The following IGF2 variants were observed in gnomAD, a reference collection of about 807,000 sequenced individuals.
IGF2 encodes the protein insulin-like growth factor 2.
IGF2 carries 2 observed loss-of-function variants against 12.0 expected under a neutral mutation model. The observed-to-expected ratio is 0.17, with a 90% CI of 0.07 to 0.52. The LOEUF (loss-of-function observed/expected upper bound fraction) is 0.52, where lower values mean the gene tolerates loss of function less well. Ranked by LOEUF, IGF2 falls within the 20% of genes least tolerant of loss-of-function variation. IGF2 has a pLI of 0.95. For missense variants in IGF2, 211 were observed against 268.0 expected, an observed-to-expected ratio of 0.79 and a Z score of 1.48; for synonymous variants, 105 against 110.1, an observed-to-expected ratio of 0.95 and a Z score of 0.29.
chr11:2,131,745 CT>C lies in IGF2; in HGVS notation c.*1241del, dbSNP rs1462066908. ...TGTGTGCTGTGTTCGCGTGTGTGTG[CT>C]GTGTGTGCATGTGTGTGCTGTGTCT... On this transcript the variant is annotated 3_prime_UTR_variant, in exon 4 of 4. Transcript: ENST00000416167. 1.9e-4 allele frequency: 30 copies of C among 159,122 alleles called. No homozygotes were observed. The Admixed American group carries it at 2.1e-3, about 11-fold the overall frequency. The allele number at this position is 159,122 out of a possible 1,614,324, so 9.9% of individuals were successfully genotyped here. A position where few individuals can be genotyped will look rare whatever the true frequency, so the allele number is the denominator to read the frequency against.
At chr11:2,149,136 GT>G in the IGF2 span, 1 of 1,613,148 alleles carries the variant, frequency 6.2e-7, no homozygotes, top group African/African-American at 1.3e-5. Context: ...CTGTACTCTA[GT>G]CCCTGCGCAG....
At position 2,139,034 on chromosome 11, in the gene IGF2, G is replaced by A. The variant is rs1287366099; in HGVS notation, c.-812C>T. The A allele has an allele frequency of 2.5e-5, 21 of 834,970 alleles. No individual in the cohort carries two copies. The highest frequency in any genetic ancestry group is 7.3e-5 in the Admixed American group (1 of 13,734). The allele number at this position is 834,970 out of a possible 1,614,324, so 51.7% of individuals were successfully genotyped here. A position where few individuals can be genotyped will look rare whatever the true frequency, so the allele number is the denominator to read the frequency against. On this transcript the variant is annotated 5_prime_UTR_variant, in exon 1 of 4. Transcript: ENST00000416167. ...GGAAAGGGGAGCGGCCCGAGGCTGC[G>A]CGCCGGGGGGAGGGCTGGAGGGGGA... is the stretch of plus-strand genomic sequence containing the variant.
upstream of IGF2, among the ~76,000 whole-genome samples, chr11:2,144,384 AC>A (rs17880092): frequency 0.28 from 42,751 of 151,964 alleles, 7,313 homozygotes; most frequent in Admixed American, 0.44. Context: ...GGCCCGGAGC[AC>A]CCCCGGTGGC....
In IGF2 at chr11:2,133,669, G is replaced by A. The variant is rs1273130773; in HGVS notation, c.158-4C>T. On this transcript the variant is annotated splice_region_variant and splice_polypyrimidine_tract_variant and intron_variant, in intron 2 of 3. Transcript: ENST00000416167. This position sits in a 1 kb window ranked among gnomAD's most constrained non-coding sequence, Gnocchi z 8.9. ...CTCACACGGCTTGCGGGCCTGCCTG[G>A]AAGTCCCACAGCACAGAGAGAGCCG... The A allele has an allele frequency of 6.2e-7, 1 of 1,612,768 alleles. No homozygotes were observed. Among genetic ancestry groups the A allele is most frequent in the Non-Finnish European group, 8.5e-7 (1 of 1,179,980 alleles).
At chr11:2,134,279 G>A (rs1858833412) in intron 2 of IGF2, 2 of 399,552 alleles carry the variant, frequency 5.0e-6, no homozygotes, top group South Asian at 1.9e-5. Context: ...CCAAAGGGCA[G>A]GTGCCATCAG....
chr11:2,140,215 C>T (rs758689893), upstream of IGF2: 12 of 1,613,244 alleles, frequency 7.4e-6, no homozygotes, highest in Non-Finnish European at 1.0e-5. Flanking sequence ...ATGGTTACCC[C>T]GTCCTCAGTG....
At chr11:2,146,443 A>C in the IGF2 span, 1 of 531,170 alleles carries the variant, frequency 1.9e-6, no homozygotes, top group Non-Finnish European at 3.9e-6. Flanking sequence ...CGGCCTGGGA[A>C]GTAGGACTAA....
chr11:2,132,575 T>G lies in IGF2; in HGVS notation c.*412A>C. 4.9e-6 allele frequency: 1 copy of G among 205,482 alleles called. No individual in the cohort carries two copies. Among genetic ancestry groups the G allele is most frequent in the African/African-American group, 2.3e-5 (1 of 43,122 alleles). 12.7% of individuals were successfully genotyped at this position (205,482 alleles called of 1,614,324 possible). A position where few individuals can be genotyped will look rare whatever the true frequency, so the allele number is the denominator to read the frequency against. ...TTTTTTTTAGCCAATTGATTTTTTTTGGTGGTTGTTTTTTTTAAAGCCAAT... is the reference window on the plus strand; with the variant it reads ...TTTTTTTTAGCCAATTGATTTTTTTGGGTGGTTGTTTTTTTTAAAGCCAAT... On this transcript the variant is annotated 3_prime_UTR_variant, in exon 4 of 4. Coordinates refer to ENST00000416167, the MANE Select transcript of IGF2 (RefSeq NM_000612.6).
At chr11:2,147,877 C>A in the IGF2 span, 2 of 1,141,130 alleles carry the variant, frequency 1.8e-6, no homozygotes, top group Non-Finnish European at 2.2e-6. The surrounding 1 kb of genome is among the most constrained non-coding windows in gnomAD (Gnocchi z 7.2). Context: ...CCCATACACC[C>A]CAAGCCTGAG....
the IGF2 span, chr11:2,147,105 G>T: frequency 6.5e-6 from 1 of 153,754 alleles, no homozygotes; most frequent in African/African-American, 2.4e-5. The surrounding 1 kb of genome is among the most constrained non-coding windows in gnomAD (Gnocchi z 7.2). Flanking sequence ...GGCCATTGGT[G>T]CAAGACCCCA....
intron 1 of IGF2, among the ~76,000 whole-genome samples, chr11:2,136,506 G>T (rs1045311066): frequency 6.6e-6 from 1 of 152,238 alleles, no homozygotes; most frequent in South Asian, 2.1e-4. Flanking sequence ...TAACCCACTC[G>T]GGGGTGGGAG....
the IGF2 span, chr11:2,148,984 C>T: frequency 2.6e-6 from 2 of 770,568 alleles, no homozygotes; most frequent in South Asian, 1.7e-5. This position sits in a 1 kb window ranked among gnomAD's most constrained non-coding sequence, Gnocchi z 4.3. Context: ...AGGAGGCTTC[C>T]CTGCACCCTC....
upstream of IGF2, among the ~76,000 whole-genome samples, chr11:2,145,432 C>T (rs546315420): frequency 3.9e-4 from 60 of 152,360 alleles, no homozygotes; most frequent in Admixed American, 1.5e-3. Context: ...TTCTCCTCCA[C>T]GCCTGCTTCC....
rs1858754776 is a variant in IGF2 at position 2,133,367 on chromosome 11, G to A, written c.307-144C>T. The A allele has an allele frequency of 1.6e-5, 16 of 1,027,096 alleles. No individual in the cohort carries two copies. Among genetic ancestry groups the A allele is most frequent in the Middle Eastern group, 5.0e-4 (2 of 4,034 alleles). 63.6% of individuals were successfully genotyped at this position (1,027,096 alleles called of 1,614,324 possible). A position where few individuals can be genotyped will look rare whatever the true frequency, so the allele number is the denominator to read the frequency against. ...GGGCAGAGGGACAGAAGGAGCCAGC[G>A]TCTGAGCTGCTCCCGGGCCACACAG... On this transcript the variant is annotated intron_variant, in intron 3 of 3. Coordinates refer to ENST00000416167, the MANE Select transcript of IGF2 (RefSeq NM_000612.6). The surrounding 1 kb of genome is among the most constrained non-coding windows in gnomAD (Gnocchi z 8.9).
upstream of IGF2, chr11:2,140,283 T>G (rs1336451829): frequency 1.1e-5 from 18 of 1,612,142 alleles, no homozygotes; most frequent in Admixed American, 2.8e-4. Context: ...AATTTGGGGG[T>G]CTGGGGAAAC....
upstream of IGF2, chr11:2,140,941 G>C (rs1212526500): frequency 2.9e-6 from 1 of 345,080 alleles, no homozygotes; most frequent in Non-Finnish European, 5.5e-6. Flanking sequence ...GGTGGACGCT[G>C]CTGAAGGTGA....
Position 2,132,613 on chromosome 11 carries a change from G to A in IGF2, c.*374C>T. On this transcript the variant is annotated 3_prime_UTR_variant, in exon 4 of 4. Coordinates refer to ENST00000416167, the MANE Select transcript of IGF2 (RefSeq NM_000612.6). ...TTTTAAAGCCAATTTCTGAGCTTTT[G>A]TGGGGTGTTTCTAAAAAGCCAATTA... is the stretch of plus-strand genomic sequence containing the variant. The A allele has an allele frequency of 5.6e-6, 1 of 178,206 alleles. No homozygotes were observed. The highest frequency in any genetic ancestry group is 8.9e-5 in the East Asian group (1 of 11,238). 11.0% of individuals were successfully genotyped at this position (178,206 alleles called of 1,614,324 possible).
Position 2,135,397 on chromosome 11 carries a change from A to C in IGF2, c.127T>G (p.Phe43Val). Residue 43 changes from phenylalanine to valine, a missense_variant, in exon 2 of 4, where the codon TTC becomes GTC. This residue lies in a region of IGF2 where 30 missense variants were observed against 79.2 expected (regional missense o/e 0.38). Coordinates refer to ENST00000416167, the MANE Select transcript of IGF2 (RefSeq NM_000612.6). Reference protein sequence around the residue: ...CGGELVDTLQFVCGDRGFYFS... With the variant: ...CGGELVDTLQVVCGDRGFYFS... ...TAGAAGCCGCGGTCCCCACAGACGA[A>C]CTGGAGGGTGTCCACCAGCTCCCCG... 6.2e-7 allele frequency: 1 copy of C among 1,613,574 alleles called. No homozygotes were observed. Among genetic ancestry groups the C allele is most frequent in the Non-Finnish European group, 8.5e-7 (1 of 1,179,880 alleles).
At chr11:2,140,725 C>A (rs12807478), upstream of IGF2, 3 of 403,802 alleles carry the variant, frequency 7.4e-6, no homozygotes, top group African/African-American at 2.2e-5. Flanking sequence ...GCAGCCGTGT[C>A]CCGCGCCCCA....
Sources: allele counts gnomAD v4.1 joint callset (sites outside exome capture counted in the v4.1 genomes callset), GRCh38; gene constraint gnomAD v4.1.1; regional missense constraint gnomAD v4.1.1; non-coding constraint Gnocchi (gnomAD v3.1); transcripts MANE v1.5; gene names NCBI Gene and HGNC (gene_info 2026-07-23, HGNC 2026-07-21).